The following SRCAP variants were observed in gnomAD, a reference collection of about 807,000 sequenced individuals.
SRCAP encodes the protein Snf2 related CREBBP activator protein.
In SRCAP, 46 loss-of-function variants were observed where a neutral mutation model predicts 263.1. The ratio of observed to expected loss-of-function variants is 0.17; its 90% CI spans 0.14 to 0.22. The LOEUF (loss-of-function observed/expected upper bound fraction) is 0.22. Among genes scored for constraint, SRCAP ranks in the 10% least tolerant of loss-of-function variants. The probability of loss-of-function intolerance (pLI) is 1.00; values close to 1 mark genes in which losing one functional copy is unlikely to be tolerated. For synonymous variants in SRCAP, 1,813 were observed against 1,662.1 expected (o/e 1.09, Z -2.21); for missense variants, 3,695 against 4,181.9 (o/e 0.88, Z 3.21).
rs550054336 is a variant in SRCAP at position 30,703,673 on chromosome 16, G to A, written c.55-391G>A. On this transcript the variant is annotated intron_variant, in intron 3 of 33. Transcript: ENST00000262518. ...GCACTTTGGGAGGCTGAGGTGGGCG[G>A]ATCATGAGGTCAGGAGATCGAGACC... Among the ~76,000 whole-genome samples, 12 of 151,734 alleles carry A rather than the reference G, an allele frequency of 7.9e-5. No homozygotes were observed. In the East Asian group the frequency reaches 2.4e-3, roughly 30 times the overall value.
Position 30,704,129 on chromosome 16 carries a change from T to C in SRCAP, c.120T>C (p.Ser40=), listed in dbSNP as rs773047519. ...VSPASSSSPA[S]SGAGGISPQH... ...CTGCCTCATCCAGTTCCCCAGCCTC[T>C]AGTGGGGCAGGCGGCATCTCCCCGC... The change falls in exon 4 of 34, where the codon TCT becomes TCC. Residue 40 remains serine (S), a synonymous_variant. Transcript: ENST00000262518. The C allele has an allele frequency of 1.9e-6, 3 of 1,614,126 alleles. No individual in the cohort carries two copies. In the South Asian group the frequency reaches 3.3e-5, roughly 18 times the overall value.
rs1405904747 is a variant in SRCAP at position 30,699,908 on chromosome 16, G to A, written c.-283G>A. The A allele has an allele frequency of 1.3e-5, 2 of 152,220 alleles. No homozygotes were observed. Among genetic ancestry groups the A allele is most frequent in the Non-Finnish European group, 2.9e-5 (2 of 68,056 alleles). 9.4% of individuals were successfully genotyped at this position (152,220 alleles called of 1,614,324 possible). A position where few individuals can be genotyped will look rare whatever the true frequency, so the allele number is the denominator to read the frequency against. On this transcript the variant is annotated splice_region_variant and 5_prime_UTR_variant, in exon 2 of 34. It adds an upstream start codon to the 5' untranslated region. Transcript: ENST00000262518. ...TAATACGCTTTGATGGATGTTTCAG[G>A]TGTGATTCCCTTCAGTACGGCGGCA...
Position 30,722,545 on chromosome 16 carries a change from T to C in SRCAP, c.3707-18T>C. The C allele has an allele frequency of 6.2e-7, 1 of 1,612,500 alleles. No individual in the cohort carries two copies. ...TGATAGCTGCTTCTCTCTCTCTTTC[T>C]CTCTTCCCTTAACCCAGGGAATGTG... On this transcript the variant is annotated intron_variant, in intron 22 of 33. Coordinates refer to ENST00000262518, the MANE Select transcript of SRCAP (RefSeq NM_006662.3).
At chr16:30,720,382 G>A (rs1185560705) in intron 19 of SRCAP, 51 bp downstream of exon 19, 1 of 1,581,876 alleles carries the variant, frequency 6.3e-7, no homozygotes, top group Non-Finnish European at 8.6e-7. Context: ...GTGGCTGAAA[G>A]CTGCCCAGAG....
Position 30,708,640 on chromosome 16 carries a change from C to T in SRCAP, c.634-873C>T, listed in dbSNP as rs559762153. Among the ~76,000 whole-genome samples the T allele has an allele frequency of 1.4e-4, 22 of 152,204 alleles. No individual in the cohort carries two copies. In the South Asian group the frequency reaches 1.7e-3, roughly 11 times the overall value. On this transcript the variant is annotated intron_variant, in intron 6 of 33. Transcript: ENST00000262518. ...AACTCCTGACCTCAGGTTATCCACTCGCCCCAGCCTCTCAAAGTGCTGGGA... is the reference window on the plus strand; with the variant it reads ...AACTCCTGACCTCAGGTTATCCACTTGCCCCAGCCTCTCAAAGTGCTGGGA...
chr16:30,719,753 G>A (rs1417360522), intron 18 of SRCAP, among the ~76,000 whole-genome samples: 1 of 152,056 alleles, frequency 6.6e-6, no homozygotes, highest in African/African-American at 2.4e-5. Flanking sequence ...GGGTCACACA[G>A]TTCCCCAATC....
Position 30,739,820 on chromosome 16 carries a change from G to A in SRCAP, c.*87G>A, listed in dbSNP as rs2053207349. The A allele has an allele frequency of 1.4e-6, 2 of 1,423,370 alleles. No homozygotes were observed. The highest frequency in any genetic ancestry group is 1.6e-5 in the South Asian group (1 of 62,674). 88.2% of individuals were successfully genotyped at this position (1,423,370 alleles called of 1,614,324 possible). On this transcript the variant is annotated 3_prime_UTR_variant, in exon 34 of 34. Coordinates refer to ENST00000262518, the MANE Select transcript of SRCAP (RefSeq NM_006662.3). The stretch of plus-strand genomic sequence containing the variant: ...TCTGTTAACCACTACTTGAAGTCTT[G>A]AGGGGGAAAGCCTCCAGGGAGACAT...
intron 14 of SRCAP, 45 bp from the exon 15 acceptor site, chr16:30,713,163 T>C (rs781019745): frequency 5.0e-6 from 8 of 1,590,078 alleles, no homozygotes; most frequent in South Asian, 2.2e-5. Flanking sequence ...TTTGCTCTCT[T>C]CTTTTCATCC....
intron 1 of SRCAP, among the ~76,000 whole-genome samples, chr16:30,699,664 A>G (rs937355002): frequency 2.0e-5 from 3 of 150,876 alleles, no homozygotes; most frequent in African/African-American, 4.9e-5. Context: ...TTTGTCTTCC[A>G]TTCTGTGGTT....
chr16:30,716,233 C>G (rs1305733751), intron 17 of SRCAP, 31 bp downstream of exon 17: 1 of 1,613,668 alleles, frequency 6.2e-7, no homozygotes, highest in Non-Finnish European at 8.5e-7. Flanking sequence ...GGCCCTGGGA[C>G]TCGAGATTGG....
intron 16 of SRCAP, 81 bp from the exon 17 acceptor site, chr16:30,715,985 C>A: frequency 6.3e-7 from 1 of 1,579,442 alleles, no homozygotes; most frequent in Admixed American, 1.7e-5. Flanking sequence ...CGTATGACTC[C>A]ATTAGTGTTT....
chr16:30,738,228 A>T lies in SRCAP; in HGVS notation c.8188A>T (p.Ile2730Phe). 2 of 1,614,158 alleles carry T rather than the reference A, an allele frequency of 1.2e-6. No homozygotes were observed. The highest frequency in any genetic ancestry group is 1.7e-6 in the Non-Finnish European group (2 of 1,180,008). ...PRRRTSADVE[I>F]RGQGTGRPGQ... ...GCGTCGCACCAGTGCTGATGTGGAA[A>T]TTAGGGGTCAAGGGACTGGTCGGCC... Residue 2730 changes from isoleucine to phenylalanine, a missense_variant, in exon 34 of 34, where the codon ATT becomes TTT. Ile to Phe is a conservative substitution (Grantham distance 21). This residue lies in a region of SRCAP where 1,207 missense variants were observed against 1,142.9 expected (regional missense o/e 1.06). Transcript: ENST00000262518.
chr16:30,720,123 T>C (rs1429409872), intron 18 of SRCAP, 39 bp from the exon 19 acceptor site: 2 of 1,583,998 alleles, frequency 1.3e-6, no homozygotes, highest in East Asian at 2.3e-5. Context: ...GGATGTGATT[T>C]TGTTCTTCTT....
chr16:30,733,248 C>T lies in SRCAP; in HGVS notation c.6128-32C>T. The stretch of plus-strand genomic sequence containing the variant: ...GCATTCTACCCATTGCGGCTTGTAG[C>T]TAGCTCCCTGTATCCCTTCATATCT... On this transcript the variant is annotated intron_variant, in intron 27 of 33. Transcript: ENST00000262518. The surrounding 1 kb of genome is among the most constrained non-coding windows in gnomAD (Gnocchi z 5.3). 1 of 1,606,716 alleles carries T rather than the reference C, an allele frequency of 6.2e-7. No homozygotes were observed. The highest frequency in any genetic ancestry group is 8.5e-7 in the Non-Finnish European group (1 of 1,177,306).
chr16:30,719,683 T>G (rs2052990545), intron 18 of SRCAP, among the ~76,000 whole-genome samples: 1 of 152,122 alleles, frequency 6.6e-6, no homozygotes, highest in South Asian at 2.1e-4. Context: ...CTGGCTAATT[T>G]TTGTATTTTC....
At chr16:30,704,640 C>T (rs886114103) in intron 4 of SRCAP, among the ~76,000 whole-genome samples, 18 of 152,014 alleles carry the variant, frequency 1.2e-4, no homozygotes, top group African/African-American at 2.9e-4. Context: ...GAGTTCAAGA[C>T]CAGACTGGGC....
Position 30,738,127 on chromosome 16 carries a change from C to T in SRCAP, c.8087C>T (p.Ala2696Val), listed in dbSNP as rs1179801092. 18 of 1,614,172 alleles carry T rather than the reference C, an allele frequency of 1.1e-5. No individual in the cohort carries two copies. Among genetic ancestry groups the T allele is most frequent in the Non-Finnish European group, 1.4e-5 (16 of 1,180,042 alleles). ...GAGAAGCCACAGGAACTCGTTACAGCTGAGGTTGCAGCTCCATCCACCTCA... is the reference window on the plus strand; with the variant it reads ...GAGAAGCCACAGGAACTCGTTACAGTTGAGGTTGCAGCTCCATCCACCTCA... ...SPEKPQELVT[A>V]EVAAPSTSSS... Residue 2696 changes from alanine to valine, a missense_variant, in exon 34 of 34, where the codon GCT (alanine) becomes GTT (valine). This residue lies in a region of SRCAP where 1,207 missense variants were observed against 1,142.9 expected (regional missense o/e 1.06). Coordinates refer to ENST00000262518, the MANE Select transcript of SRCAP (RefSeq NM_006662.3).
intron 27 of SRCAP, among the ~76,000 whole-genome samples, chr16:30,731,865 C>T (rs1009237592): frequency 2.0e-5 from 3 of 151,816 alleles, no homozygotes; most frequent in Non-Finnish European, 2.9e-5. Context: ...TAAAATAAGG[C>T]TGGGCCTGGT....
In SRCAP at chr16:30,737,774, T is replaced by C. The variant is rs1353193747; in HGVS notation, c.7734T>C (p.Ser2578=). ...SVASSETSSL[S]LVPPKDLLPV... The stretch of plus-strand genomic sequence containing the variant: ...CCAGTTCAGAAACCTCCTCACTTTC[T>C]CTTGTGCCCCCTAAAGATCTGTTGC... Residue 2578 remains serine (S), a synonymous_variant, in exon 34 of 34, where the codon TCT becomes TCC. Coordinates refer to ENST00000262518, the MANE Select transcript of SRCAP (RefSeq NM_006662.3). The C allele has an allele frequency of 6.2e-7, 1 of 1,614,050 alleles. No homozygotes were observed. Among genetic ancestry groups the C allele is most frequent in the Non-Finnish European group, 8.5e-7 (1 of 1,180,036 alleles).
Sources: allele counts gnomAD v4.1 joint callset (sites outside exome capture counted in the v4.1 genomes callset), GRCh38; gene constraint gnomAD v4.1.1; regional missense constraint gnomAD v4.1.1; non-coding constraint Gnocchi (gnomAD v3.1); transcripts MANE v1.5; gene names NCBI Gene and HGNC (gene_info 2026-07-23, HGNC 2026-07-21).